OSBPL9: variants seen among roughly 807,000 people sequenced by gnomAD.
The protein encoded by OSBPL9 is oxysterol binding protein like 9.
A neutral mutation model predicts 106.6 loss-of-function variants in OSBPL9; 40 were observed. The observed-to-expected ratio is 0.38, with a 90% CI of 0.29 to 0.49. The LOEUF is 0.49. OSBPL9 is among the 20% of genes least tolerant of loss of function. OSBPL9 has a pLI of 0.97. For missense variants in OSBPL9, 609 were observed against 887.2 expected, an observed-to-expected ratio of 0.69 and a Z score of 3.98; for synonymous variants, 269 against 295.4, an observed-to-expected ratio of 0.91 and a Z score of 0.92.
chr1:51,747,191 T>C (rs1013557072), intron 6 of OSBPL9, among the ~76,000 whole-genome samples: 16 of 152,228 alleles, frequency 1.1e-4, no homozygotes, highest in Non-Finnish European at 2.1e-4. Context: ...GGTTTCGAAC[T>C]CCTGACCTCA....
intron 2 of OSBPL9, among the ~76,000 whole-genome samples, chr1:51,657,749 C>T (rs771790816): frequency 5.7e-4 from 86 of 152,138 alleles, no homozygotes; most frequent in Non-Finnish European, 1.0e-3. Flanking sequence ...TAGTCAAAAA[C>T]AAAACATTGG....
the OSBPL9 span, among the ~76,000 whole-genome samples, chr1:51,522,398 T>G: frequency 6.6e-6 from 1 of 152,174 alleles, no homozygotes; most frequent in Admixed American, 6.5e-5. Context: ...GGTTCTGGTT[T>G]AAATTAATGA....
At chr1:51,588,749 A>G (rs1194534930) in intron 1 of OSBPL9, among the ~76,000 whole-genome samples, 1 of 152,198 alleles carries the variant, frequency 6.6e-6, no homozygotes, top group Admixed American at 6.5e-5. Flanking sequence ...GGTCTCTGAT[A>G]ACCAGGAAGG....
intron 4 of OSBPL9, among the ~76,000 whole-genome samples, chr1:51,738,170 A>G (rs1425293422): frequency 3.3e-5 from 5 of 152,158 alleles, no homozygotes; most frequent in East Asian, 3.9e-4. Context: ...GTTTAGTTGT[A>G]TAAGTAACCA....
intron 1 of OSBPL9, among the ~76,000 whole-genome samples, chr1:51,639,150 A>G (rs1032538941): frequency 6.6e-5 from 10 of 152,204 alleles, no homozygotes; most frequent in Admixed American, 2.6e-4. Context: ...CCTTGTCACT[A>G]ATATCCCAAT....
intron 2 of OSBPL9, among the ~76,000 whole-genome samples, chr1:51,665,942 C>A (rs114042626): frequency 0.012 from 1,812 of 151,998 alleles, 39 homozygotes; most frequent in African/African-American, 0.042. Context: ...GCAATCTCTG[C>A]CTTGAAGTGA....
At chr1:51,541,395 A>C in the OSBPL9 span, among the ~76,000 whole-genome samples, 3 of 152,072 alleles carry the variant, frequency 2.0e-5, no homozygotes, top group Non-Finnish European at 2.9e-5. Flanking sequence ...ATCTCCTCCC[A>C]CACATACCCC....
chr1:51,733,064 T>G (rs2148951524), intron 4 of OSBPL9, among the ~76,000 whole-genome samples: 1 of 152,374 alleles, frequency 6.6e-6, no homozygotes, highest in South Asian at 2.1e-4. Flanking sequence ...TGTGTTAACC[T>G]TTTCTATGAT....
chr1:51,688,241 A>C (rs937090201), intron 3 of OSBPL9, among the ~76,000 whole-genome samples: 15 of 152,224 alleles, frequency 9.9e-5, no homozygotes, highest in African/African-American at 3.6e-4. Context: ...TCTGAGCCAT[A>C]GCCTATCTGA....
At chr1:51,526,270 C>T in the OSBPL9 span, among the ~76,000 whole-genome samples, 2 of 152,086 alleles carry the variant, frequency 1.3e-5, no homozygotes, top group African/African-American at 4.8e-5. Context: ...TATGGCCTAC[C>T]GTGGGTAAAG....
intron 1 of OSBPL9, among the ~76,000 whole-genome samples, chr1:51,642,396 T>G (rs893252043): frequency 2.6e-5 from 4 of 152,156 alleles, no homozygotes; most frequent in African/African-American, 9.6e-5. Context: ...TTATTTATCT[T>G]TGTTAATTTT....
intron 4 of OSBPL9, among the ~76,000 whole-genome samples, chr1:51,744,218 A>G (rs151123386): frequency 1.4e-3 from 217 of 152,282 alleles, no homozygotes; most frequent in Non-Finnish European, 2.5e-3. Context: ...AAGAGCAACA[A>G]AAGTACTATA....
the OSBPL9 span, among the ~76,000 whole-genome samples, chr1:51,548,535 A>G: frequency 6.6e-6 from 1 of 150,604 alleles, no homozygotes; most frequent in East Asian, 2.0e-4. Flanking sequence ...GACTACAAAC[A>G]TGCTCCACGA....
intron 10 of OSBPL9, 69 bp downstream of exon 10, chr1:51,760,849 T>C: frequency 6.6e-7 from 1 of 1,506,014 alleles, no homozygotes; most frequent in African/African-American, 1.4e-5. Flanking sequence ...GTCATAGCAG[T>C]CTTAGCTATT....
At chr1:51,640,960 ATT>A (rs57861935) in intron 1 of OSBPL9, among the ~76,000 whole-genome samples, 1 of 147,106 alleles carries the variant, frequency 6.8e-6, no homozygotes, top group African/African-American at 2.5e-5. Context: ...ATTAAAAAAA[ATT>A]TTTTTTTTTA....
chr1:51,522,929 C>T, the OSBPL9 span, among the ~76,000 whole-genome samples: 5 of 152,026 alleles, frequency 3.3e-5, no homozygotes, highest in Admixed American at 2.0e-4. Flanking sequence ...CCTCCAACAA[C>T]TAAGTTGGTT....
At chr1:51,643,125 C>T (rs7555392) in intron 1 of OSBPL9, among the ~76,000 whole-genome samples, 2,879 of 152,132 alleles carry the variant, frequency 0.019, 84 homozygotes, top group African/African-American at 0.065. Flanking sequence ...ATTGCTTTTA[C>T]GACAAAGTCA....
intron 3 of OSBPL9, among the ~76,000 whole-genome samples, chr1:51,699,724 C>T (rs190766292): frequency 6.6e-6 from 1 of 152,226 alleles, no homozygotes; most frequent in East Asian, 1.9e-4. Flanking sequence ...TAGAAATCAA[C>T]ACCCAGTGCT....
At position 51,786,703 on chromosome 1, in the gene OSBPL9, T is replaced by C. The variant is rs945731669; in HGVS notation, c.2000+86T>C. The C allele has an allele frequency of 3.7e-6, 4 of 1,072,282 alleles. No homozygotes were observed. In the African/African-American group the frequency reaches 6.3e-5, roughly 17 times the overall value. The allele number at this position is 1,072,282 out of a possible 1,614,324, so 66.4% of individuals were successfully genotyped here. A position where few individuals can be genotyped will look rare whatever the true frequency, so the allele number is the denominator to read the frequency against. The stretch of plus-strand genomic sequence containing the variant: ...GCACAGGGCTGGGTTTGAGAGACAG[T>C]AGGGCAGAGCATAATAGTATAGACC... On this transcript the variant is annotated intron_variant, in intron 22 of 23. Transcript: ENST00000428468.
Sources: allele counts gnomAD v4.1 joint callset (sites outside exome capture counted in the v4.1 genomes callset), GRCh38; gene constraint gnomAD v4.1.1; transcripts MANE v1.5; gene names NCBI Gene and HGNC (gene_info 2026-07-23, HGNC 2026-07-21).